Variants in PRKAR1A observed in about 807,000 individuals in gnomAD.
The protein encoded by PRKAR1A is protein kinase cAMP-dependent type I regulatory subunit alpha.
A neutral mutation model predicts 52.0 loss-of-function variants in PRKAR1A; 3 were observed. That is an observed-to-expected ratio of 0.06 (90% CI 0.03 to 0.15). The LOEUF (loss-of-function observed/expected upper bound fraction) is 0.15, where lower values mean the gene tolerates loss of function less well. Ranked by LOEUF, PRKAR1A falls within the 10% of genes least tolerant of loss-of-function variation. The probability of loss-of-function intolerance (pLI) is 1.00; values close to 1 mark genes in which losing one functional copy is unlikely to be tolerated. For synonymous variants in PRKAR1A, 188 were observed against 168.4 expected (o/e 1.12, Z -0.90); for missense variants, 240 against 477.4 (o/e 0.50, Z 4.63).
chr17:68,445,522 C>T, the PRKAR1A span, among the ~76,000 whole-genome samples: 1 of 152,172 alleles, frequency 6.6e-6, no homozygotes, highest in African/African-American at 2.4e-5. Flanking sequence ...ATTTGAACAC[C>T]CCAGTGCCCC....
the PRKAR1A span, among the ~76,000 whole-genome samples, chr17:68,485,193 A>T: frequency 6.6e-6 from 1 of 152,200 alleles, no homozygotes; most frequent in Non-Finnish European, 1.5e-5. Flanking sequence ...ACATAGAACA[A>T]TTTGCCTAGA....
the PRKAR1A span, among the ~76,000 whole-genome samples, chr17:68,470,313 T>G: frequency 6.6e-6 from 1 of 152,162 alleles, no homozygotes; most frequent in South Asian, 2.1e-4. Flanking sequence ...AACTCCTGAC[T>G]GCGTGATCCA....
the PRKAR1A span, among the ~76,000 whole-genome samples, chr17:68,481,254 C>T: frequency 6.6e-6 from 1 of 152,216 alleles, no homozygotes; most frequent in African/African-American, 2.4e-5. Flanking sequence ...ACAATTTTTC[C>T]ATCAACCAAG....
the PRKAR1A span, among the ~76,000 whole-genome samples, chr17:68,429,102 C>T: frequency 3.3e-5 from 5 of 152,180 alleles, no homozygotes; most frequent in Admixed American, 3.3e-4. Context: ...TGCATTCTGG[C>T]CTTGGGATCT....
At chr17:68,523,883 CT>C in intron 4 of PRKAR1A, 67 bp downstream of exon 4, 1 of 1,584,030 alleles carries the variant, frequency 6.3e-7, no homozygotes, top group Admixed American at 1.7e-5. Context: ...GTTTTCAACA[CT>C]TGTTGCAAGT....
At chr17:68,430,551 GAC>G in the PRKAR1A span, among the ~76,000 whole-genome samples, 2 of 152,202 alleles carry the variant, frequency 1.3e-5, no homozygotes, top group Non-Finnish European at 2.9e-5. Flanking sequence ...TGGAAGAACA[GAC>G]AGATCTCAAC....
the PRKAR1A span, chr17:68,428,478 C>T: frequency 4.9e-4 from 101 of 206,328 alleles, no homozygotes; most frequent in African/African-American, 2.2e-3. Flanking sequence ...AGCCATCCAC[C>T]CGCTTCGGCC....
At chr17:68,426,044 A>C in the PRKAR1A span, 1 of 1,590,568 alleles carries the variant, frequency 6.3e-7, no homozygotes, top group Non-Finnish European at 8.6e-7. Context: ...ACACAGACTG[A>C]GCCGCCCAGT....
At chr17:68,534,801 C>T (rs979707265), downstream of PRKAR1A, among the ~76,000 whole-genome samples, 8 of 152,162 alleles carry the variant, frequency 5.3e-5, no homozygotes, top group East Asian at 1.2e-3. Flanking sequence ...CTTAAACATG[C>T]GTTAACATAA....
chr17:68,447,954 C>T, the PRKAR1A span, among the ~76,000 whole-genome samples: 6 of 144,632 alleles, frequency 4.1e-5, no homozygotes, highest in African/African-American at 1.5e-4. Context: ...GACTGCACTC[C>T]AGCCTGGGCA....
At chr17:68,416,719 T>C in the PRKAR1A span, among the ~76,000 whole-genome samples, 1 of 152,188 alleles carries the variant, frequency 6.6e-6, no homozygotes, top group Non-Finnish European at 1.5e-5. Context: ...GACCTTGTCT[T>C]CGAGCTCTGA....
the PRKAR1A span, chr17:68,424,330 C>A: frequency 2.2e-6 from 1 of 449,436 alleles, no homozygotes; most frequent in Non-Finnish European, 4.5e-6. Flanking sequence ...CACAAAACAA[C>A]AGCCCCAGCC....
At chr17:68,535,812 T>C (rs1490884907), downstream of PRKAR1A, 3 of 453,926 alleles carry the variant, frequency 6.6e-6, no homozygotes, top group Non-Finnish European at 1.3e-5. Flanking sequence ...CAGCTGATTT[T>C]TTTTTTAAGC....
chr17:68,543,708 C>T (rs1364214765), intron 11 of PRKAR1A: 2 of 1,614,082 alleles, frequency 1.2e-6, no homozygotes, highest in Non-Finnish European at 1.7e-6. Flanking sequence ...GGTGTCTCCT[C>T]ATCTCGCTGC....
chr17:68,472,778 T>A, the PRKAR1A span, among the ~76,000 whole-genome samples: 1 of 147,992 alleles, frequency 6.8e-6, no homozygotes, highest in Non-Finnish European at 1.5e-5. Context: ...AAATCCTGTC[T>A]GTACTAAAAA....
chr17:68,507,789 T>C (rs914363589), upstream of PRKAR1A, among the ~76,000 whole-genome samples: 2 of 152,182 alleles, frequency 1.3e-5, no homozygotes, highest in South Asian at 4.1e-4. Context: ...CAGCCTTGTT[T>C]AAAAACAGCT....
the PRKAR1A span, among the ~76,000 whole-genome samples, chr17:68,486,508 T>TC: frequency 0.13 from 6,565 of 49,294 alleles, 270 homozygotes; most frequent in Non-Finnish European, 0.16. Context: ...CTTCCTTCCT[T>TC]CTTTCTTTCT....
the PRKAR1A span, chr17:68,424,335 C>A: frequency 6.3e-6 from 3 of 474,246 alleles, no homozygotes; most frequent in Admixed American, 7.1e-5. Flanking sequence ...AACAACAGCC[C>A]CAGCCCTGCA....
intron 9 of PRKAR1A, 57 bp from the exon 10 acceptor site, chr17:68,529,863 T>C: frequency 6.5e-7 from 1 of 1,533,900 alleles, no homozygotes; most frequent in Non-Finnish European, 9.0e-7. Flanking sequence ...ATGTTTAAGG[T>C]GCCACCCTGG....
Sources: allele counts gnomAD v4.1 joint callset (sites outside exome capture counted in the v4.1 genomes callset), GRCh38; gene constraint gnomAD v4.1.1; transcripts MANE v1.5; gene names NCBI Gene and HGNC (gene_info 2026-07-23, HGNC 2026-07-21).